The following NPSR1 variants were observed in gnomAD, a reference collection of about 807,000 sequenced individuals.
NPSR1 encodes the protein neuropeptide S receptor 1.
A neutral mutation model predicts 46.9 loss-of-function variants in NPSR1; 48 were observed. The observed-to-expected ratio is 1.02, with a 90% CI of 0.81 to 1.30. The LOEUF (loss-of-function observed/expected upper bound fraction) is 1.30, where lower values mean the gene tolerates loss of function less well. NPSR1 is among the 50% of genes most tolerant of loss of function. The pLI is 0.00. For missense variants in NPSR1, 450 were observed against 449.5 expected (o/e 1.00, Z -0.01); for synonymous variants, 176 against 168.1 (o/e 1.05, Z -0.36).
intron 3 of NPSR1, among the ~76,000 whole-genome samples, chr7:34,809,974 TTC>T (rs1307980333): frequency 6.6e-6 from 1 of 152,212 alleles, no homozygotes; most frequent in Admixed American, 6.5e-5. Context: ...ATCTCATTCT[TTC>T]TTACGAGCCT....
At chr7:34,684,750 A>C in intron 2 of NPSR1, 66 bp downstream of exon 2, 1 of 1,318,808 alleles carries the variant, frequency 7.6e-7, no homozygotes, top group Non-Finnish European at 9.9e-7. Context: ...CCTGCTTTTA[A>C]TGAATTTTAT....
rs1790886354 is a variant in NPSR1, at chr7:34,849,958, G to T, written c.*303G>T. 1.8e-6 allele frequency: 2 copies of T among 1,116,894 alleles called. No homozygotes were observed. The highest frequency in any genetic ancestry group is 3.2e-5 in the African/African-American group (2 of 61,958). 69.2% of individuals were successfully genotyped at this position (1,116,894 alleles called of 1,614,324 possible). On this transcript the variant is annotated 3_prime_UTR_variant, in exon 9 of 9. Coordinates refer to ENST00000360581, the MANE Select transcript of NPSR1 (RefSeq NM_207172.2). The stretch of plus-strand genomic sequence containing the variant: ...CAGGCATTAGTGGTCCAGGGTCCTG[G>T]CTTGGAGCCAGTGAGTAGACAGGCA...
intron 8 of NPSR1, among the ~76,000 whole-genome samples, chr7:34,859,653 C>T (rs1791139305): frequency 6.6e-6 from 1 of 151,770 alleles, no homozygotes; most frequent in African/African-American, 2.4e-5. Flanking sequence ...AACTATCTGA[C>T]AGACTTTAAG....
intron 4 of NPSR1, among the ~76,000 whole-genome samples, chr7:34,814,722 G>C (rs539762451): frequency 6.6e-6 from 1 of 152,340 alleles, no homozygotes; most frequent in South Asian, 2.1e-4. Context: ...AATGTTTGCT[G>C]TTCTGCAATA....
chr7:34,659,371 G>A (rs1425807604), intron 1 of NPSR1, among the ~76,000 whole-genome samples: 1 of 152,138 alleles, frequency 6.6e-6, no homozygotes, highest in Non-Finnish European at 1.5e-5. Flanking sequence ...GTCTCAAACT[G>A]GTCCTTTCCA....
At chr7:34,682,703 G>C (rs747460065) in intron 1 of NPSR1, among the ~76,000 whole-genome samples, 1 of 152,182 alleles carries the variant, frequency 6.6e-6, no homozygotes, top group Non-Finnish European at 1.5e-5. Context: ...TCTCAAATGG[G>C]AGAATTCTCT....
chr7:34,693,580 A>C (rs748310771), intron 2 of NPSR1, among the ~76,000 whole-genome samples: 11 of 152,228 alleles, frequency 7.2e-5, no homozygotes, highest in Non-Finnish European at 1.5e-4. Flanking sequence ...AAAAGCTGGT[A>C]CCAATCTTAC....
rs1833090 is a variant in NPSR1 at position 34,868,174 on chromosome 7, A to T, written c.1026-9902A>T. On this transcript the variant is annotated intron_variant, in intron 8 of 8. Transcript: ENST00000359791. ...AAGAAGTCAGCTGGTTTCAAAGCCCAGGGAATGTGGGGATGTAGACCCTTT... is the reference window on the plus strand; with the variant it reads ...AAGAAGTCAGCTGGTTTCAAAGCCCTGGGAATGTGGGGATGTAGACCCTTT... Among the ~76,000 whole-genome samples the T allele has an allele frequency of 3.8e-3, 570 of 151,450 alleles. 15 individuals are homozygous for T. Among genetic ancestry groups the T allele is most frequent in the African/African-American group, 0.012 (496 of 40,890 alleles).
In NPSR1 at chr7:34,716,768, A is replaced by G. The variant is rs324375; in HGVS notation, c.280+32084A>G. Among the ~76,000 whole-genome samples, 1,199 of 152,122 alleles carry G rather than the reference A, an allele frequency of 7.9e-3. 16 individuals are homozygous for G. The highest frequency in any genetic ancestry group is 0.027 in the African/African-American group (1,117 of 41,466). On this transcript the variant is annotated intron_variant, in intron 2 of 8. Coordinates refer to ENST00000360581, the MANE Select transcript of NPSR1 (RefSeq NM_207172.2). ...AACACAGGCCACTTCTCCCCTTTGT[A>G]CACCTGCTGTGCAATTCCTGCCACT...
intron 3 of NPSR1, among the ~76,000 whole-genome samples, chr7:34,794,471 A>T (rs1788084413): frequency 6.6e-6 from 1 of 152,188 alleles, no homozygotes; most frequent in East Asian, 1.9e-4. Flanking sequence ...TGAAAGATAC[A>T]GTCTATTATA....
intron 6 of NPSR1, among the ~76,000 whole-genome samples, chr7:34,842,851 G>C (rs562457550): frequency 6.6e-6 from 1 of 152,334 alleles, no homozygotes; most frequent in South Asian, 2.1e-4. Context: ...TCCTCAGAAA[G>C]ACATTCAAGG....
chr7:34,692,365 A>C (rs1490264010), intron 2 of NPSR1, among the ~76,000 whole-genome samples: 1 of 152,210 alleles, frequency 6.6e-6, no homozygotes, highest in African/African-American at 2.4e-5. Flanking sequence ...CTTAAACCAC[A>C]GTGGAATAAA....
At chr7:34,742,069 T>C (rs1010811974) in intron 2 of NPSR1, among the ~76,000 whole-genome samples, 1 of 152,238 alleles carries the variant, frequency 6.6e-6, no homozygotes, top group Non-Finnish European at 1.5e-5. Context: ...TTTCACTTTC[T>C]TCTTCTCTAA....
intron 2 of NPSR1, among the ~76,000 whole-genome samples, chr7:34,755,372 G>A (rs1484627029): frequency 2.0e-5 from 3 of 152,300 alleles, no homozygotes; most frequent in East Asian, 1.9e-4. Flanking sequence ...TAGCAAATAC[G>A]TAGAATGATT....
At chr7:34,779,006 T>C (rs1258457402) in intron 3 of NPSR1, among the ~76,000 whole-genome samples, 1 of 152,190 alleles carries the variant, frequency 6.6e-6, no homozygotes, top group East Asian at 1.9e-4. Flanking sequence ...ATTATACTTT[T>C]TAAAGTATCT....
At chr7:34,707,736 G>A (rs1044618990) in intron 2 of NPSR1, among the ~76,000 whole-genome samples, 3 of 152,190 alleles carry the variant, frequency 2.0e-5, no homozygotes, top group African/African-American at 7.2e-5. Context: ...CAGTGGTAGA[G>A]GGCAGAGGAG....
intron 8 of NPSR1, 114 bp from the exon 9 acceptor site, chr7:34,849,451 C>A (rs1416926048): frequency 1.2e-5 from 19 of 1,598,772 alleles, no homozygotes; most frequent in Admixed American, 1.7e-5. Flanking sequence ...AAGTGCCTGG[C>A]ACAGTTGTCT....
Position 34,778,546 on chromosome 7 carries a change from G to T in NPSR1, c.365G>T (p.Arg122Leu). Reference sequence around the variant, plus strand: ...TTCACGGCACCTGACCTGGTTTGCCGAGTGGTCCGCTATTTGCAGGTATGT... The same window carrying T: ...TTCACGGCACCTGACCTGGTTTGCCTAGTGGTCCGCTATTTGCAGGTATGT... ...GDFTAPDLVC[R>L]VVRYLQVVLL... Residue 122 changes from arginine (R) to leucine (L), a missense_variant, in exon 3 of 9, where the codon CGA becomes CTA. Physicochemically the swap from Arg to Leu is moderately radical, Grantham distance 102 (BLOSUM62 -2). Coordinates refer to ENST00000360581, the MANE Select transcript of NPSR1 (RefSeq NM_207172.2). 1 of 1,611,102 alleles carries T rather than the reference G, an allele frequency of 6.2e-7. No individual in the cohort carries two copies. Among genetic ancestry groups the T allele is most frequent in the East Asian group, 2.2e-5 (1 of 44,810 alleles).
chr7:34,672,958 A>T (rs1437477078), intron 1 of NPSR1, among the ~76,000 whole-genome samples: 1 of 152,154 alleles, frequency 6.6e-6, no homozygotes, highest in Non-Finnish European at 1.5e-5. Context: ...CTCTGCTGTT[A>T]CTACCTCAAA....
Sources: allele counts gnomAD v4.1 joint callset (sites outside exome capture counted in the v4.1 genomes callset), GRCh38; gene constraint gnomAD v4.1.1; transcripts MANE v1.5; gene names NCBI Gene and HGNC (gene_info 2026-07-23, HGNC 2026-07-21).